Variants in HMBOX1 observed in about 807,000 individuals in gnomAD.
HMBOX1 encodes homeobox containing 1, also known as homeobox-containing protein 1.
Under a neutral mutation model 54.5 loss-of-function variants are expected in HMBOX1, and 14 were observed. The observed-to-expected ratio is 0.26, with a 90% CI of 0.17 to 0.40. HMBOX1 has a LOEUF of 0.40. Ranked by LOEUF, HMBOX1 falls within the 10% of genes least tolerant of loss-of-function variation. The probability of loss-of-function intolerance (pLI) is 1.00; values close to 1 mark genes in which losing one functional copy is unlikely to be tolerated. For synonymous variants in HMBOX1, 160 were observed against 181.0 expected (o/e 0.88, Z 0.93); for missense variants, 332 against 514.4 (o/e 0.65, Z 3.43).
intron 1 of HMBOX1, among the ~76,000 whole-genome samples, chr8:28,896,710 G>A (rs1812184351): frequency 8.1e-6 from 1 of 123,854 alleles, no homozygotes; most frequent in Non-Finnish European, 2.0e-5. Flanking sequence ...ACAGTAACAT[G>A]CTGTACAGGT....
rs79020226 is a variant in HMBOX1, at chr8:29,014,212, G to T, written c.698-4548G>T. On this transcript the variant is annotated intron_variant, in intron 5 of 9. Transcript: ENST00000287701. ...TTTTGGGTTTTTTTTTTCCTCATGG[G>T]TTTAGATTTGCTAGGTGAAGGTGCA... Among the ~76,000 whole-genome samples the T allele has an allele frequency of 6.8e-3, 1,027 of 151,994 alleles. 13 individuals carry two copies. The highest frequency in any genetic ancestry group is 0.055 in the East Asian group (285 of 5,186).
intron 1 of HMBOX1, among the ~76,000 whole-genome samples, chr8:28,963,268 G>A (rs1369346623): frequency 2.0e-5 from 3 of 152,298 alleles, no homozygotes; most frequent in South Asian, 4.1e-4. Flanking sequence ...ACAGGCATGA[G>A]CCACCACGCC....
intron 1 of HMBOX1, among the ~76,000 whole-genome samples, chr8:28,902,551 T>C (rs1457873108): frequency 6.6e-6 from 1 of 152,138 alleles, no homozygotes; most frequent in East Asian, 1.9e-4. Flanking sequence ...TGAGACATTA[T>C]GGGGAAAACA....
chr8:28,932,911 A>G (rs754565790), intron 1 of HMBOX1, among the ~76,000 whole-genome samples: 1 of 152,186 alleles, frequency 6.6e-6, no homozygotes, highest in Non-Finnish European at 1.5e-5. Context: ...GCAGTTTCCA[A>G]TAAACTAGAT....
At chr8:28,930,831 C>T (rs1378503946) in intron 1 of HMBOX1, among the ~76,000 whole-genome samples, 3 of 152,044 alleles carry the variant, frequency 2.0e-5, no homozygotes, top group Non-Finnish European at 4.4e-5. Context: ...TGTTATTTAG[C>T]CTGTGCATCC....
chr8:29,022,837 C>T (rs534730670), intron 6 of HMBOX1, among the ~76,000 whole-genome samples: 80 of 116,102 alleles, frequency 6.9e-4, no homozygotes, highest in African/African-American at 2.2e-3. Context: ...AACTAAATTA[C>T]GTAATTATAT....
intron 6 of HMBOX1, among the ~76,000 whole-genome samples, chr8:29,019,279 C>T (rs1025022409): frequency 6.6e-6 from 1 of 152,158 alleles, no homozygotes; most frequent in African/African-American, 2.4e-5. Flanking sequence ...TGAGATTTAA[C>T]TTTCCTTTAA....
At chr8:29,049,495 GC>G in intron 9 of HMBOX1, 1 of 1,446,530 alleles carries the variant, frequency 6.9e-7, no homozygotes, top group Non-Finnish European at 9.1e-7. Flanking sequence ...ACGATGGAAG[GC>G]CCCACTCACT....
At chr8:28,893,502 G>C (rs1811454302) in intron 1 of HMBOX1, among the ~76,000 whole-genome samples, 2 of 152,158 alleles carry the variant, frequency 1.3e-5, no homozygotes, top group Admixed American at 1.3e-4. Context: ...ACTATGTATG[G>C]TCACAAATAC....
intron 9 of HMBOX1, chr8:29,049,440 T>C (rs1331855506): frequency 2.0e-6 from 3 of 1,507,630 alleles, no homozygotes; most frequent in South Asian, 1.3e-5. Flanking sequence ...TGAGAAATAC[T>C]AGGGGCAGCT....
chr8:28,969,122 AAGACTGCGCCACTGCACTCC>A (rs1262898451), intron 2 of HMBOX1, among the ~76,000 whole-genome samples: 3 of 152,126 alleles, frequency 2.0e-5, no homozygotes, highest in Non-Finnish European at 4.4e-5. Flanking sequence ...GCAGTGAGCC[AAGACTGCGCCACTGCACTCC>A]AGCCTGGTTG....
intron 1 of HMBOX1, among the ~76,000 whole-genome samples, chr8:28,928,968 G>A (rs910047179): frequency 6.6e-6 from 1 of 152,180 alleles, no homozygotes; most frequent in African/African-American, 2.4e-5. Context: ...CAAACTGTTG[G>A]TTATAAGATG....
In HMBOX1 at chr8:28,996,488, G is replaced by A. The variant is rs200324008; in HGVS notation, c.587-12584G>A. On this transcript the variant is annotated intron_variant, in intron 4 of 9. Transcript: ENST00000287701. ...ACAAAAATTACCTGGGTGTGGTGGCGCATGTCTGTAATCCCAGCTATTTGG... is the reference window on the plus strand; with the variant it reads ...ACAAAAATTACCTGGGTGTGGTGGCACATGTCTGTAATCCCAGCTATTTGG... 1.1e-4 allele frequency among the ~76,000 whole-genome samples: 16 copies of A among 152,160 alleles called. No individual in the cohort carries two copies. The East Asian group carries it at 1.9e-3, about 18-fold the overall frequency.
chr8:28,891,977 T>TCTTCCTTCCTTCCTATCCTCCCTC (rs1811093860), intron 1 of HMBOX1, among the ~76,000 whole-genome samples: 1 of 152,014 alleles, frequency 6.6e-6, no homozygotes, highest in Non-Finnish European at 1.5e-5. Context: ...CTGGCTTCCC[T>TCTTCCTTCCTTCCTATCCTCCCTC]CTTCCTTCCT....
chr8:28,907,816 C>G (rs1016729591), intron 1 of HMBOX1, among the ~76,000 whole-genome samples: 2 of 151,412 alleles, frequency 1.3e-5, no homozygotes, highest in African/African-American at 4.8e-5. Context: ...GTGTTGTATA[C>G]TATATGAAAT....
rs372786906 is a variant in HMBOX1 at position 29,014,971 on chromosome 8, C to T, written c.698-3789C>T. Among the ~76,000 whole-genome samples, 13 of 152,294 alleles carry T rather than the reference C, an allele frequency of 8.5e-5. 1 individual carries two copies. Among genetic ancestry groups the T allele is most frequent in the South Asian group, 8.3e-4 (4 of 4,818 alleles). On this transcript the variant is annotated intron_variant, in intron 5 of 9. Transcript: ENST00000287701. ...CTGGGATTACAGGCATGAGCCACCGCGCCCGGCCTTGATTTCTTTCAAAAT... is the reference window on the plus strand; with the variant it reads ...CTGGGATTACAGGCATGAGCCACCGTGCCCGGCCTTGATTTCTTTCAAAAT...
intron 1 of HMBOX1, among the ~76,000 whole-genome samples, chr8:28,953,354 A>G (rs1475970737): frequency 6.6e-6 from 1 of 152,112 alleles, no homozygotes; most frequent in Non-Finnish European, 1.5e-5. Context: ...TGAGGGAAAA[A>G]CTGTTTGGCA....
chr8:28,980,278 TG>T, intron 4 of HMBOX1, 122 bp downstream of exon 4: 4 of 731,580 alleles, frequency 5.5e-6, no homozygotes, highest in Non-Finnish European at 9.7e-6. Context: ...GGCATAATTA[TG>T]TATGCCTGTG....
intron 6 of HMBOX1, among the ~76,000 whole-genome samples, chr8:29,031,324 A>G (rs1202077062): frequency 6.6e-6 from 1 of 152,230 alleles, no homozygotes; most frequent in African/African-American, 2.4e-5. Context: ...GTCAGTGATG[A>G]TGAATTTATT....
Sources: allele counts gnomAD v4.1 joint callset (sites outside exome capture counted in the v4.1 genomes callset), GRCh38; gene constraint gnomAD v4.1.1; transcripts MANE v1.5; gene names NCBI Gene and HGNC (gene_info 2026-07-23, HGNC 2026-07-21).